The following NPSR1 variants were observed in gnomAD, a reference collection of about 807,000 sequenced individuals.
NPSR1 encodes neuropeptide S receptor 1, also known as neuropeptide S receptor.
In NPSR1, 48 loss-of-function variants were observed where a neutral mutation model predicts 46.9. The observed-to-expected ratio is 1.02, with a 90% confidence interval of 0.81 to 1.30. NPSR1 has a LOEUF of 1.30. Ranked by LOEUF, NPSR1 falls within the 50% of genes most tolerant of loss-of-function variation. The pLI is 0.00. For missense variants in NPSR1, 450 were observed against 449.5 expected (o/e 1.00, Z -0.01); for synonymous variants, 176 against 168.1 (o/e 1.05, Z -0.36).
intron 5 of NPSR1, among the ~76,000 whole-genome samples, chr7:34,827,808 A>G (rs1308578046): frequency 3.3e-5 from 5 of 152,216 alleles, no homozygotes; most frequent in African/African-American, 1.2e-4. Flanking sequence ...ATTAACAATT[A>G]CTGGGTATAT....
At chr7:34,772,027 C>T (rs1224582362) in intron 2 of NPSR1, among the ~76,000 whole-genome samples, 1 of 152,150 alleles carries the variant, frequency 6.6e-6, no homozygotes, top group African/African-American at 2.4e-5. Context: ...GCACATGAAA[C>T]CTTTCTGTAC....
chr7:34,848,754 A>C, intron 8 of NPSR1, 91 bp downstream of exon 8: 1 of 1,118,290 alleles, frequency 8.9e-7, no homozygotes, highest in Non-Finnish European at 1.3e-6. Context: ...CAAACTCTCC[A>C]GCAGGTTACA....
chr7:34,872,168 G>A lies in NPSR1; in HGVS notation c.1026-5908G>A, dbSNP rs577198064. Among the ~76,000 whole-genome samples, 36 of 151,958 alleles carry A rather than the reference G, an allele frequency of 2.4e-4. 2 individuals carry two copies. The highest frequency in any genetic ancestry group is 5.6e-4 in the African/African-American group (23 of 41,210). Reference sequence around the variant, plus strand: ...TGAGCATCTGAAGACTTAACATCACGTGACAACTGCCAAGGCATGGCTTGC... The same window carrying A: ...TGAGCATCTGAAGACTTAACATCACATGACAACTGCCAAGGCATGGCTTGC... On this transcript the variant is annotated intron_variant, in intron 8 of 8. Coordinates refer to the NPSR1 transcript ENST00000359791.
chr7:34,857,941 A>G (rs1320051719), intron 8 of NPSR1, among the ~76,000 whole-genome samples: 1 of 151,808 alleles, frequency 6.6e-6, no homozygotes, highest in Non-Finnish European at 1.5e-5. Context: ...AAAACTATGA[A>G]AAGGTGTTTA....
At chr7:34,749,032 T>C (rs1439000294) in intron 2 of NPSR1, among the ~76,000 whole-genome samples, 1 of 152,106 alleles carries the variant, frequency 6.6e-6, no homozygotes, top group African/African-American at 2.4e-5. Flanking sequence ...TAGTCCAAAG[T>C]CTAATGCTTC....
chr7:34,861,434 G>A (rs1326715386), intron 8 of NPSR1, among the ~76,000 whole-genome samples: 1 of 151,678 alleles, frequency 6.6e-6, no homozygotes, highest in African/African-American at 2.4e-5. Context: ...GTTTAATACT[G>A]CAGCTGCCAG....
chr7:34,862,073 C>T (rs1791202341), intron 8 of NPSR1, among the ~76,000 whole-genome samples: 1 of 151,840 alleles, frequency 6.6e-6, no homozygotes, highest in African/African-American at 2.4e-5. Flanking sequence ...CTTATTGTTT[C>T]TCAGCTCCAA....
intron 1 of NPSR1, among the ~76,000 whole-genome samples, chr7:34,677,230 C>A (rs1278357659): frequency 6.6e-6 from 1 of 152,178 alleles, no homozygotes; most frequent in Non-Finnish European, 1.5e-5. Context: ...TTTCTGCCCA[C>A]TGGGGACCAG....
intron 2 of NPSR1, among the ~76,000 whole-genome samples, chr7:34,738,759 A>T (rs1784801898): frequency 6.6e-6 from 1 of 152,274 alleles, no homozygotes; most frequent in South Asian, 2.1e-4. Context: ...AATTTATATA[A>T]CATATCATTC....
At chr7:34,823,425 T>C (rs1427462994) in intron 4 of NPSR1, among the ~76,000 whole-genome samples, 1 of 90,972 alleles carries the variant, frequency 1.1e-5, no homozygotes, top group East Asian at 3.4e-4. Context: ...AACAACACCA[T>C]AAATGAATAG....
chr7:34,780,620 G>A (rs894069506), intron 3 of NPSR1, among the ~76,000 whole-genome samples: 4 of 152,078 alleles, frequency 2.6e-5, no homozygotes, highest in African/African-American at 4.8e-5. Flanking sequence ...TGAGCTTTGC[G>A]GTGCTTTGGC....
At chr7:34,827,749 C>T in intron 5 of NPSR1, 147 bp downstream of exon 5, 1 of 636,490 alleles carries the variant, frequency 1.6e-6, no homozygotes. Flanking sequence ...TTATGTGTAG[C>T]TACCATAGGC....
At chr7:34,808,148 C>T (rs1319603882) in intron 3 of NPSR1, among the ~76,000 whole-genome samples, 8 of 152,056 alleles carry the variant, frequency 5.3e-5, no homozygotes, top group Admixed American at 3.9e-4. Flanking sequence ...GGCAGTCACC[C>T]GAAGCCAGAA....
At chr7:34,851,305 C>T (rs571820829), downstream of NPSR1, among the ~76,000 whole-genome samples, 7 of 135,924 alleles carry the variant, frequency 5.1e-5, no homozygotes, top group South Asian at 2.4e-4. Context: ...GTCATGTGGG[C>T]TTTTTTTTTT....
chr7:34,748,855 A>G (rs1277444457), intron 2 of NPSR1, among the ~76,000 whole-genome samples: 2 of 151,208 alleles, frequency 1.3e-5, no homozygotes, highest in Non-Finnish European at 3.0e-5. Flanking sequence ...GAGGCATAGC[A>G]TAGGCCATTG....
At position 34,718,487 on chromosome 7, in the gene NPSR1, C is replaced by T. The variant is rs1191183377; in HGVS notation, c.280+33803C>T. 3.9e-5 allele frequency among the ~76,000 whole-genome samples: 6 copies of T among 152,202 alleles called. No homozygotes were observed. In the East Asian group the frequency reaches 1.2e-3, roughly 29 times the overall value. On this transcript the variant is annotated intron_variant, in intron 2 of 8. Transcript: ENST00000360581. Reference sequence around the variant, plus strand: ...GGAGGCCCTGACCCTACTCAAAGACCTCTTTTTTAGAGGATTGTTTTAGGT... The same window carrying T: ...GGAGGCCCTGACCCTACTCAAAGACTTCTTTTTTAGAGGATTGTTTTAGGT...
chr7:34,798,686 C>A (rs1788312475), intron 3 of NPSR1, among the ~76,000 whole-genome samples: 1 of 152,146 alleles, frequency 6.6e-6, no homozygotes, highest in Admixed American at 6.5e-5. Context: ...TCTTATCAAA[C>A]TTATATGCGA....
chr7:34,846,276 C>T (rs963388758), intron 7 of NPSR1, among the ~76,000 whole-genome samples: 2 of 152,068 alleles, frequency 1.3e-5, no homozygotes, highest in Non-Finnish European at 2.9e-5. Flanking sequence ...TACTCCAAGG[C>T]CCTGTGGGAT....
chr7:34,756,823 C>A (rs1785887040), intron 2 of NPSR1, among the ~76,000 whole-genome samples: 1 of 152,216 alleles, frequency 6.6e-6, no homozygotes, highest in African/African-American at 2.4e-5. Flanking sequence ...CACTAAGCTT[C>A]ATTTCTCTCT....
Sources: gnomAD v4.1 joint callset for allele counts (sites outside exome capture counted in the v4.1 genomes callset) on GRCh38, gnomAD v4.1.1 for gene constraint, MANE v1.5 for transcripts, NCBI Gene and HGNC (gene_info 2026-07-23, HGNC 2026-07-21) for gene names.